Variants in TBC1D22B observed in about 807,000 individuals in gnomAD.
The protein encoded by TBC1D22B is TBC1 domain family member 22B.
In TBC1D22B, 32 loss-of-function variants were observed where a neutral mutation model predicts 69.1. That is an observed-to-expected ratio of 0.46 (90% confidence interval 0.35 to 0.62). The LOEUF is 0.62. TBC1D22B is among the 20% of genes least tolerant of loss of function. The pLI, the probability that TBC1D22B is intolerant of heterozygous loss-of-function variation, is 0.00. For synonymous variants in TBC1D22B, 206 were observed against 229.8 expected, an observed-to-expected ratio of 0.90 and a Z score of 0.94; for missense variants, 462 against 630.9, an observed-to-expected ratio of 0.73 and a Z score of 2.87.
intron 8 of TBC1D22B, among the ~76,000 whole-genome samples, chr6:37,297,755 T>C (rs527336050): frequency 1.3e-5 from 2 of 152,358 alleles, no homozygotes; most frequent in South Asian, 4.1e-4. Flanking sequence ...TGTATGTTTA[T>C]TGCAACACTG....
chr6:37,277,135 G>C (rs1766693867), intron 2 of TBC1D22B, among the ~76,000 whole-genome samples: 1 of 152,020 alleles, frequency 6.6e-6, no homozygotes, highest in Non-Finnish European at 1.5e-5. Flanking sequence ...CTTCAAGTCA[G>C]CTCTTTGACC....
chr6:37,262,655 A>G (rs1766144530), intron 1 of TBC1D22B, among the ~76,000 whole-genome samples: 3 of 152,216 alleles, frequency 2.0e-5, no homozygotes, highest in Non-Finnish European at 4.4e-5. Context: ...GAGATGTTTT[A>G]CTGGTAGAGT....
At chr6:37,265,105 A>G (rs1766230664) in intron 1 of TBC1D22B, among the ~76,000 whole-genome samples, 1 of 152,220 alleles carries the variant, frequency 6.6e-6, no homozygotes, top group South Asian at 2.1e-4. Flanking sequence ...TAGATACATC[A>G]TGGTTCAGTT....
chr6:37,290,778 A>G (rs1484766259), intron 7 of TBC1D22B, among the ~76,000 whole-genome samples: 1 of 152,036 alleles, frequency 6.6e-6, no homozygotes, highest in African/African-American at 2.4e-5. Flanking sequence ...TCAGGCAGGG[A>G]GAGGGGAGGG....
At chr6:37,286,958 C>CAAAACAAA in intron 6 of TBC1D22B, 49 bp from the exon 7 acceptor site, 1 of 1,529,886 alleles carries the variant, frequency 6.5e-7, no homozygotes, top group African/African-American at 1.4e-5. Context: ...AAAACAAAAA[C>CAAAACAAA]AAAAAAAAAC....
At chr6:37,289,647 G>C (rs1767116800) in intron 7 of TBC1D22B, among the ~76,000 whole-genome samples, 1 of 152,188 alleles carries the variant, frequency 6.6e-6, no homozygotes, top group African/African-American at 2.4e-5. Context: ...TAAGTCCTTT[G>C]GAAAGACCAA....
In TBC1D22B at chr6:37,317,217, A is replaced by C. The variant is rs1337633098; in HGVS notation, c.1389+11A>C. ...GAGGAGGATTTTCAGGTGAGTGGCC[A>C]AGAGCTTAGTGTGGGCAGGGAATGA... On this transcript the variant is annotated intron_variant, in intron 12 of 12. Transcript: ENST00000373491. The C allele has an allele frequency of 2.6e-6, 4 of 1,558,360 alleles. No homozygotes were observed. The East Asian group carries it at 7.1e-5, about 28-fold the overall frequency.
At chr6:37,307,392 G>C (rs757809146) in intron 8 of TBC1D22B, among the ~76,000 whole-genome samples, 111 of 139,772 alleles carry the variant, frequency 7.9e-4, no homozygotes, top group Non-Finnish European at 1.0e-3. Flanking sequence ...TTCTCGCTCT[G>C]TCGCCCAGGC....
chr6:37,302,320 C>T (rs1014561209), intron 8 of TBC1D22B, among the ~76,000 whole-genome samples: 1 of 152,174 alleles, frequency 6.6e-6, no homozygotes, highest in East Asian at 1.9e-4. Flanking sequence ...GAGGTCACCC[C>T]TGGGGAGATA....
At chr6:37,296,920 G>C (rs1023935262) in intron 8 of TBC1D22B, among the ~76,000 whole-genome samples, 1 of 151,686 alleles carries the variant, frequency 6.6e-6, no homozygotes, top group African/African-American at 2.4e-5. Context: ...TCCATCTCCC[G>C]GGCTCAAGCA....
At chr6:37,312,875 T>C in intron 8 of TBC1D22B, 43 bp from the exon 9 acceptor site, 1 of 1,522,654 alleles carries the variant, frequency 6.6e-7, no homozygotes, top group Non-Finnish European at 9.1e-7. Flanking sequence ...TCTCTCCATT[T>C]TTAGATAAGA....
At chr6:37,305,020 G>A (rs1014100679) in intron 8 of TBC1D22B, among the ~76,000 whole-genome samples, 2 of 152,212 alleles carry the variant, frequency 1.3e-5, no homozygotes, top group African/African-American at 4.8e-5. Flanking sequence ...AGGAGGTAAG[G>A]GAGGGAGCTG....
At chr6:37,315,287 G>A (rs1389604170) in intron 10 of TBC1D22B, among the ~76,000 whole-genome samples, 1 of 152,136 alleles carries the variant, frequency 6.6e-6, no homozygotes, top group Non-Finnish European at 1.5e-5. Context: ...AATTTAAACA[G>A]GCTGGGGACG....
intron 5 of TBC1D22B, among the ~76,000 whole-genome samples, chr6:37,283,770 G>A (rs1766918974): frequency 6.6e-6 from 1 of 152,226 alleles, no homozygotes; most frequent in Non-Finnish European, 1.5e-5. Flanking sequence ...TTGGCCTGGA[G>A]CTTTGGCTAG....
intron 7 of TBC1D22B, among the ~76,000 whole-genome samples, chr6:37,288,299 A>G (rs1767069195): frequency 6.6e-6 from 1 of 152,314 alleles, no homozygotes; most frequent in Non-Finnish European, 1.5e-5. Flanking sequence ...ATCCTCCCAT[A>G]CAGTTTTCCA....
intron 1 of TBC1D22B, among the ~76,000 whole-genome samples, chr6:37,265,530 G>A (rs62406617): frequency 6.7e-6 from 1 of 148,780 alleles, no homozygotes; most frequent in Non-Finnish European, 1.5e-5. Flanking sequence ...GTAGCCCTTT[G>A]GGTTTTTTTT....
chr6:37,303,351 T>A (rs906957058), intron 8 of TBC1D22B, among the ~76,000 whole-genome samples: 1 of 152,212 alleles, frequency 6.6e-6, no homozygotes, highest in African/African-American at 2.4e-5. Flanking sequence ...TCAGAAATGC[T>A]AAGAATTGTT....
At chr6:37,265,763 A>G (rs1267685614) in intron 1 of TBC1D22B, among the ~76,000 whole-genome samples, 1 of 152,204 alleles carries the variant, frequency 6.6e-6, no homozygotes, top group African/African-American at 2.4e-5. Context: ...AAAGATTCTT[A>G]TAGCTAAAGA....
chr6:37,290,001 C>T (rs775368512), intron 7 of TBC1D22B, among the ~76,000 whole-genome samples: 9 of 152,172 alleles, frequency 5.9e-5, no homozygotes, highest in Non-Finnish European at 1.2e-4. Flanking sequence ...TGAAAGAAAC[C>T]GTTTCTCAGC....
Sources: allele counts gnomAD v4.1 joint callset (sites outside exome capture counted in the v4.1 genomes callset), GRCh38; gene constraint gnomAD v4.1.1; transcripts MANE v1.5; gene names NCBI Gene and HGNC (gene_info 2026-07-23, HGNC 2026-07-21).